The following FYN variants were observed in gnomAD, a reference collection of about 807,000 sequenced individuals.
FYN encodes FYN proto-oncogene, Src family tyrosine kinase, also known as tyrosine-protein kinase Fyn.
In FYN, 10 loss-of-function variants were observed where a neutral mutation model predicts 70.2. The ratio of observed to expected loss-of-function variants is 0.14; its 90% CI spans 0.09 to 0.24. The LOEUF (loss-of-function observed/expected upper bound fraction) is 0.24. FYN is among the 10% of genes least tolerant of loss of function. FYN has a pLI of 1.00. For missense variants in FYN, 319 were observed against 673.1 expected, an observed-to-expected ratio of 0.47 and a Z score of 5.82; for synonymous variants, 236 against 248.6, an observed-to-expected ratio of 0.95 and a Z score of 0.48.
At position 111,702,496 on chromosome 6, in the gene FYN, T is replaced by C. The variant is rs181226657; in HGVS notation, c.697+389A>G. On this transcript the variant is annotated intron_variant, in intron 8 of 13. Coordinates refer to ENST00000354650, the MANE Select transcript of FYN (RefSeq NM_002037.5). ...TCCTGCAACAGTGCTGAGGGTAAAG[T>C]GATAGTGGAAACACAATATTCCTTG... 12 of 162,918 alleles carry C rather than the reference T, an allele frequency of 7.4e-5. No individual in the cohort carries two copies. In the East Asian group the frequency reaches 1.3e-3, roughly 17 times the overall value. The allele number at this position is 162,918 out of a possible 1,614,324, so 10.1% of individuals were successfully genotyped here. A position where few individuals can be genotyped will look rare whatever the true frequency, so the allele number is the denominator to read the frequency against.
intron 2 of FYN, among the ~76,000 whole-genome samples, chr6:111,801,642 C>T (rs947166027): frequency 2.0e-5 from 3 of 152,152 alleles, no homozygotes; most frequent in African/African-American, 7.2e-5. Flanking sequence ...AGTCCAGATC[C>T]TACTAGAAAA....
chr6:111,870,918 C>G (rs1281197415), intron 1 of FYN, among the ~76,000 whole-genome samples: 1 of 152,078 alleles, frequency 6.6e-6, no homozygotes, highest in Admixed American at 6.5e-5. Flanking sequence ...AACAAACGAC[C>G]CTTTGTTTTT....
chr6:111,829,475 C>G (rs1772945098), intron 2 of FYN, among the ~76,000 whole-genome samples: 1 of 152,154 alleles, frequency 6.6e-6, no homozygotes, highest in East Asian at 1.9e-4. Flanking sequence ...GTGCAGCAGA[C>G]AAGGAAGAGA....
chr6:111,704,278 T>C (rs1162492761), intron 6 of FYN, among the ~76,000 whole-genome samples, 176 bp from the exon 7 acceptor site: 1 of 152,216 alleles, frequency 6.6e-6, no homozygotes, highest in African/African-American at 2.4e-5. Context: ...TCCTGGATTC[T>C]ATCCCTAATT....
intron 6 of FYN, among the ~76,000 whole-genome samples, chr6:111,706,157 C>T (rs1269093092): frequency 6.6e-6 from 1 of 152,152 alleles, no homozygotes; most frequent in Non-Finnish European, 1.5e-5. Flanking sequence ...TTATATCCTC[C>T]CCCTGCACTT....
At chr6:111,817,964 C>A (rs757287566) in intron 2 of FYN, among the ~76,000 whole-genome samples, 4 of 152,196 alleles carry the variant, frequency 2.6e-5, no homozygotes, top group African/African-American at 7.2e-5. Flanking sequence ...TCAGGGCCAA[C>A]AAATGCTCCA....
chr6:111,711,705 G>T (rs1800387577), intron 5 of FYN, among the ~76,000 whole-genome samples: 3 of 152,246 alleles, frequency 2.0e-5, no homozygotes, highest in African/African-American at 7.2e-5. Context: ...CCTCTCCTCT[G>T]AGGACCAGAG....
chr6:111,806,561 T>C (rs1772156539), intron 2 of FYN, among the ~76,000 whole-genome samples: 1 of 152,154 alleles, frequency 6.6e-6, no homozygotes, highest in South Asian at 2.1e-4. Context: ...GCAAAACAGA[T>C]AGTGTACTAT....
intron 10 of FYN, 79 bp downstream of exon 10, chr6:111,696,198 A>T (rs1293289644): frequency 1.6e-6 from 2 of 1,221,314 alleles, no homozygotes; most frequent in African/African-American, 3.1e-5. Context: ...AAAAGTAGCA[A>T]GTAGGAAACT....
intron 4 of FYN, among the ~76,000 whole-genome samples, chr6:111,715,116 A>G (rs1038190973): frequency 2.6e-5 from 4 of 151,702 alleles, no homozygotes; most frequent in Admixed American, 2.6e-4. Flanking sequence ...TCTTCCTCAC[A>G]CCCACCCTAT....
intron 13 of FYN, among the ~76,000 whole-genome samples, chr6:111,663,334 G>A (rs1225625965): frequency 6.6e-6 from 1 of 152,240 alleles, no homozygotes; most frequent in African/African-American, 2.4e-5. Flanking sequence ...TACTTCTAGG[G>A]GAGGTGGCGA....
intron 1 of FYN, among the ~76,000 whole-genome samples, chr6:111,857,374 G>A (rs1773849423): frequency 6.6e-6 from 1 of 152,150 alleles, no homozygotes; most frequent in Non-Finnish European, 1.5e-5. Context: ...AGCTAAACAA[G>A]GGGAAGCCAG....
At chr6:111,828,212 C>T (rs887088772) in intron 2 of FYN, among the ~76,000 whole-genome samples, 2 of 152,128 alleles carry the variant, frequency 1.3e-5, no homozygotes, top group African/African-American at 4.8e-5. Flanking sequence ...GCAGAAATTG[C>T]TTACTGAGCT....
intron 3 of FYN, among the ~76,000 whole-genome samples, chr6:111,720,474 T>C (rs1339435277): frequency 1.3e-5 from 2 of 152,104 alleles, no homozygotes; most frequent in East Asian, 3.9e-4. Context: ...AAAACTTCCA[T>C]CAGGGCACAG....
At chr6:111,728,500 C>T (rs1023906018) in intron 3 of FYN, among the ~76,000 whole-genome samples, 2 of 152,168 alleles carry the variant, frequency 1.3e-5, no homozygotes, top group African/African-American at 4.8e-5. Flanking sequence ...GCAATCGCTA[C>T]CCACTCCCTT....
intron 3 of FYN, among the ~76,000 whole-genome samples, chr6:111,723,622 T>C (rs1341252424): frequency 1.3e-5 from 2 of 152,226 alleles, no homozygotes; most frequent in Non-Finnish European, 2.9e-5. Flanking sequence ...TTCTCCCCCG[T>C]GGGGCAGTCA....
chr6:111,738,102 T>G (rs1801787054), intron 3 of FYN, among the ~76,000 whole-genome samples: 1 of 152,200 alleles, frequency 6.6e-6, no homozygotes, highest in South Asian at 2.1e-4. Context: ...GGCAGAATTT[T>G]CAGTCTGTTA....
Position 111,666,070 on chromosome 6 carries a change from C to T in FYN, c.1406-4123G>A, listed in dbSNP as rs182107382. Among the ~76,000 whole-genome samples, 1,043 of 139,276 alleles carry T rather than the reference C, an allele frequency of 7.5e-3. 11 individuals carry two copies. Among genetic ancestry groups the T allele is most frequent in the African/African-American group, 0.025 (941 of 36,916 alleles). 91.4% of individuals were successfully genotyped at this position (139,276 alleles called of 152,430 possible). A position where few individuals can be genotyped will look rare whatever the true frequency, so the allele number is the denominator to read the frequency against. On this transcript the variant is annotated intron_variant, in intron 13 of 13. Coordinates refer to ENST00000354650, the MANE Select transcript of FYN (RefSeq NM_002037.5). ...AGGCTGGAGTGCAGTGGCACAATCT[C>T]GGCTCACTGCAACCTCCACCTCCCT... is the stretch of plus-strand genomic sequence containing the variant.
At chr6:111,773,623 GGAAAGGA>G (rs1803582483) in intron 3 of FYN, among the ~76,000 whole-genome samples, 1 of 85,004 alleles carries the variant, frequency 1.2e-5, no homozygotes, top group African/African-American at 4.8e-5. Flanking sequence ...GGAGAGAGGG[GGAAAGGA>G]GAGGGGGAGG....
Sources: allele counts gnomAD v4.1 joint callset (sites outside exome capture counted in the v4.1 genomes callset), GRCh38; gene constraint gnomAD v4.1.1; transcripts MANE v1.5; gene names NCBI Gene and HGNC (gene_info 2026-07-23, HGNC 2026-07-21).